The following RGS7 variants were observed in gnomAD, a reference collection of about 807,000 sequenced individuals.
The protein encoded by RGS7 is regulator of G-protein signaling 7.
RGS7 carries 27 observed loss-of-function variants against 81.1 expected under a neutral mutation model. The ratio of observed to expected loss-of-function variants is 0.33; its 90% CI spans 0.25 to 0.46. The LOEUF (loss-of-function observed/expected upper bound fraction) is 0.46. Among genes scored for constraint, RGS7 ranks in the 20% least tolerant of loss-of-function variants. The pLI, the probability that RGS7 is intolerant of heterozygous loss-of-function variation, is 1.00. For missense variants in RGS7, 396 were observed against 607.4 expected (o/e 0.65, Z 3.66); for synonymous variants, 208 against 207.7 (o/e 1.00, Z -0.01).
chr1:241,056,586 C>G (rs2061490803), intron 3 of RGS7, among the ~76,000 whole-genome samples: 1 of 152,116 alleles, frequency 6.6e-6, no homozygotes, highest in African/African-American at 2.4e-5. Flanking sequence ...CATAATTCCC[C>G]TCTGTTAAGG....
chr1:240,982,314 C>T (rs1461490781), intron 4 of RGS7, among the ~76,000 whole-genome samples: 2 of 148,848 alleles, frequency 1.3e-5, no homozygotes, highest in Non-Finnish European at 3.0e-5. Context: ...CCCAGCTACT[C>T]GGGAGGCTGA....
intron 3 of RGS7, among the ~76,000 whole-genome samples, chr1:241,073,096 A>G (rs1438192992): frequency 6.6e-6 from 1 of 152,132 alleles, no homozygotes; most frequent in African/African-American, 2.4e-5. Context: ...AGGTATCTCC[A>G]TGTTGAGAGC....
intron 3 of RGS7, among the ~76,000 whole-genome samples, chr1:240,983,359 T>G (rs961627087): frequency 6.6e-6 from 1 of 152,176 alleles, no homozygotes; most frequent in Non-Finnish European, 1.5e-5. Context: ...ATATGAAATA[T>G]GTAAATGGAA....
chr1:241,274,906 G>A lies in RGS7; in HGVS notation c.78+80793C>T, dbSNP rs377276685. ...AACATGTGCTTTCAGATAACATCAC[G>A]ACCAGAGTACTGACGAGATATTTCC... On this transcript the variant is annotated intron_variant, in intron 2 of 18. Coordinates refer to ENST00000440928, the MANE Select transcript of RGS7 (RefSeq NM_001364886.1). Among the ~76,000 whole-genome samples, 42 of 152,266 alleles carry A rather than the reference G, an allele frequency of 2.8e-4. No homozygotes were observed. The East Asian group carries it at 4.6e-3, about 17-fold the overall frequency.
intron 9 of RGS7, among the ~76,000 whole-genome samples, chr1:240,841,069 C>A (rs942960080): frequency 6.6e-6 from 1 of 152,184 alleles, no homozygotes; most frequent in African/African-American, 2.4e-5. Context: ...TACTCCAATT[C>A]TTCAGTTAGC....
At chr1:241,007,065 T>G (rs900790965) in intron 3 of RGS7, among the ~76,000 whole-genome samples, 2 of 152,066 alleles carry the variant, frequency 1.3e-5, no homozygotes, top group Non-Finnish European at 2.9e-5. Context: ...TATAGACACA[T>G]GCCACCATGC....
rs560418318 is a variant in RGS7, at chr1:240,979,497, C to G, written c.226+3582G>C. On this transcript the variant is annotated intron_variant, in intron 4 of 18. Coordinates refer to ENST00000440928, the MANE Select transcript of RGS7 (RefSeq NM_001364886.1). The stretch of plus-strand genomic sequence containing the variant: ...TCTTGGTTAGAAGACAACTCTGTAA[C>G]TGAGCTTGGGATTACAATAAGGAGT... Among the ~76,000 whole-genome samples, 51 of 152,220 alleles carry G rather than the reference C, an allele frequency of 3.4e-4. No homozygotes were observed. In the South Asian group the frequency reaches 9.7e-3, roughly 29 times the overall value.
chr1:241,028,803 G>A (rs2059920374), intron 3 of RGS7, among the ~76,000 whole-genome samples: 1 of 152,146 alleles, frequency 6.6e-6, no homozygotes, highest in Non-Finnish European at 1.5e-5. Flanking sequence ...TCTGGGTAGT[G>A]AGGCAGGATG....
intron 3 of RGS7, among the ~76,000 whole-genome samples, chr1:241,023,735 TATTG>T (rs139919207): frequency 9.2e-5 from 14 of 152,128 alleles, no homozygotes; most frequent in South Asian, 2.1e-4. Context: ...ATGCTTTTCA[TATTG>T]ATTGATTGAT....
chr1:240,814,901 T>C lies in RGS7; in HGVS notation c.784-124A>G. On this transcript the variant is annotated intron_variant, in intron 11 of 18. Transcript: ENST00000440928. ...AGTCTACGTCAGTACAATTTCAAAG[T>C]TGGTTAAAAAAATAGAAGCAGAGGG... is the stretch of plus-strand genomic sequence containing the variant. 4.2e-6 allele frequency: 3 copies of C among 716,750 alleles called. No individual in the cohort carries two copies. The South Asian group carries it at 4.7e-5, about 11-fold the overall frequency. 44.4% of individuals were successfully genotyped at this position (716,750 alleles called of 1,614,324 possible).
chr1:240,932,820 T>C (rs1315845424), intron 5 of RGS7, among the ~76,000 whole-genome samples: 7 of 149,200 alleles, frequency 4.7e-5, no homozygotes, highest in South Asian at 2.2e-4. Flanking sequence ...AAAACGATTT[T>C]CTGATATGCT....
chr1:240,856,001 T>G (rs1321208198), intron 9 of RGS7, among the ~76,000 whole-genome samples: 1 of 152,214 alleles, frequency 6.6e-6, no homozygotes. Flanking sequence ...TTATACATGG[T>G]CAGTTTAAGC....
intron 4 of RGS7, among the ~76,000 whole-genome samples, chr1:240,964,447 C>T (rs1313261102): frequency 6.6e-6 from 1 of 152,024 alleles, no homozygotes; most frequent in African/African-American, 2.4e-5. Context: ...GGGAATACAA[C>T]AAGATTGATC....
At chr1:240,990,939 G>T (rs1173159264) in intron 3 of RGS7, among the ~76,000 whole-genome samples, 1 of 152,194 alleles carries the variant, frequency 6.6e-6, no homozygotes, top group Non-Finnish European at 1.5e-5. Context: ...TTCTTTCTAG[G>T]TTGTTGCTCT....
At chr1:241,302,343 A>T (rs1325687551) in intron 2 of RGS7, among the ~76,000 whole-genome samples, 1 of 152,114 alleles carries the variant, frequency 6.6e-6, no homozygotes, top group Non-Finnish European at 1.5e-5. Flanking sequence ...AGGTCAGGAG[A>T]TCGAGACCAT....
chr1:241,170,216 C>G (rs1024510779), intron 2 of RGS7, among the ~76,000 whole-genome samples: 13 of 152,124 alleles, frequency 8.5e-5, no homozygotes, highest in African/African-American at 3.1e-4. Context: ...CCAGTCACCA[C>G]TCCGACTTTT....
At chr1:241,177,817 C>G (rs184821623) in intron 2 of RGS7, among the ~76,000 whole-genome samples, 1 of 152,148 alleles carries the variant, frequency 6.6e-6, no homozygotes, top group Non-Finnish European at 1.5e-5. Flanking sequence ...ATTACTAGGT[C>G]TTAGTCTTAA....
intron 3 of RGS7, among the ~76,000 whole-genome samples, chr1:240,984,352 A>C (rs1572121532): frequency 6.6e-6 from 1 of 152,168 alleles, no homozygotes; most frequent in Admixed American, 6.6e-5. Context: ...GGATGAAGGG[A>C]AAAGGTCTTA....
At chr1:241,030,597 T>C (rs1473503201) in intron 3 of RGS7, among the ~76,000 whole-genome samples, 1 of 151,514 alleles carries the variant, frequency 6.6e-6, no homozygotes, top group Non-Finnish European at 1.5e-5. Flanking sequence ...CCTATCTCTC[T>C]TTTCCTCTGT....
Sources: gnomAD v4.1 joint callset for allele counts (sites outside exome capture counted in the v4.1 genomes callset) on GRCh38, gnomAD v4.1.1 for gene constraint, MANE v1.5 for transcripts, NCBI Gene and HGNC (gene_info 2026-07-23, HGNC 2026-07-21) for gene names.